The following ADAMTS3 variants were observed in gnomAD, a reference collection of about 807,000 sequenced individuals.
ADAMTS3 encodes A disintegrin and metalloproteinase with thrombospondin motifs 3.
In ADAMTS3, 73 loss-of-function variants were observed where a neutral mutation model predicts 129.0. The ratio of observed to expected loss-of-function variants is 0.57; its 90% CI spans 0.47 to 0.69. ADAMTS3 has a LOEUF of 0.69. ADAMTS3 is among the 30% of genes least tolerant of loss of function. The pLI is 0.00. For missense variants in ADAMTS3, 1,457 were observed against 1,514.5 expected (o/e 0.96, Z 0.63); for synonymous variants, 477 against 510.8 (o/e 0.93, Z 0.89).
chr4:72,390,001 A>G (rs1721549188), intron 4 of ADAMTS3, among the ~76,000 whole-genome samples: 1 of 152,180 alleles, frequency 6.6e-6, no homozygotes, highest in Non-Finnish European at 1.5e-5. Flanking sequence ...ACGAGTGGAG[A>G]AGAGGGCAGG....
intron 5 of ADAMTS3, among the ~76,000 whole-genome samples, chr4:72,329,424 T>C (rs1002829743): frequency 6.6e-6 from 1 of 152,148 alleles, no homozygotes; most frequent in Admixed American, 6.6e-5. Context: ...GCTCAACATA[T>C]ATTAGAGAAC....
chr4:72,333,372 A>G (rs1719900174), intron 5 of ADAMTS3, among the ~76,000 whole-genome samples: 2 of 152,178 alleles, frequency 1.3e-5, no homozygotes, highest in African/African-American at 4.8e-5. Flanking sequence ...AAAAAAACGT[A>G]TAAATTATGG....
At chr4:72,358,210 A>G (rs1031017362) in intron 4 of ADAMTS3, among the ~76,000 whole-genome samples, 1 of 151,918 alleles carries the variant, frequency 6.6e-6, no homozygotes, top group South Asian at 2.1e-4. Context: ...CATGATATAA[A>G]CTACTTTTAT....
rs768497474 is a variant in ADAMTS3, at chr4:72,288,918, GCACATA to G, written c.2932-56_2932-51del. On this transcript the variant is annotated intron_variant, in intron 20 of 21. Transcript: ENST00000286657. The stretch of plus-strand genomic sequence containing the variant: ...CAGACATTTATTGCACCAAGACCAT[GCACATA>G]CACACACACACACACACACACACAC... 2.0e-3 allele frequency: 1,109 copies of G among 564,380 alleles called. 8 individuals are homozygous for G. In the African/African-American group the frequency reaches 0.02, roughly 10 times the overall value. The allele number at this position is 564,380 out of a possible 1,614,324, so 35.0% of individuals were successfully genotyped here.
chr4:72,413,620 T>C (rs1408951867), intron 4 of ADAMTS3, among the ~76,000 whole-genome samples: 1 of 151,986 alleles, frequency 6.6e-6, no homozygotes, highest in African/African-American at 2.4e-5. Context: ...AATACTACCT[T>C]CAGCAATTTG....
intron 3 of ADAMTS3, among the ~76,000 whole-genome samples, chr4:72,533,659 A>C (rs908352568): frequency 6.6e-6 from 1 of 151,868 alleles, no homozygotes; most frequent in Non-Finnish European, 1.5e-5. Context: ...ATATACATAT[A>C]TATGTATATG....
At chr4:72,512,348 C>T (rs1720339010) in intron 3 of ADAMTS3, among the ~76,000 whole-genome samples, 1 of 151,796 alleles carries the variant, frequency 6.6e-6, no homozygotes, top group African/African-American at 2.4e-5. Flanking sequence ...AAAAACTAGC[C>T]AGGGATGGTG....
At chr4:72,447,625 A>C (rs367862254) in intron 3 of ADAMTS3, among the ~76,000 whole-genome samples, 3 of 151,764 alleles carry the variant, frequency 2.0e-5, no homozygotes, top group Non-Finnish European at 4.4e-5. Flanking sequence ...GAGATGTGAG[A>C]AAATGACCTA....
At chr4:72,406,228 A>G (rs1266970292) in intron 4 of ADAMTS3, among the ~76,000 whole-genome samples, 1 of 152,146 alleles carries the variant, frequency 6.6e-6, no homozygotes, top group Non-Finnish European at 1.5e-5. Flanking sequence ...CTGGCAGTAA[A>G]TACCAACAGG....
intron 3 of ADAMTS3, among the ~76,000 whole-genome samples, chr4:72,524,835 T>G (rs989174608): frequency 2.6e-5 from 4 of 152,118 alleles, no homozygotes; most frequent in African/African-American, 9.7e-5. Flanking sequence ...AACCAAATAT[T>G]TGAGTCAACT....
At chr4:72,371,709 C>G (rs908127766) in intron 4 of ADAMTS3, among the ~76,000 whole-genome samples, 1 of 151,900 alleles carries the variant, frequency 6.6e-6, no homozygotes, top group Non-Finnish European at 1.5e-5. Flanking sequence ...TTCAGCACAA[C>G]GAACACTAAA....
chr4:72,339,172 C>T (rs944712250), intron 5 of ADAMTS3, among the ~76,000 whole-genome samples: 8 of 152,100 alleles, frequency 5.3e-5, no homozygotes, highest in Admixed American at 3.3e-4. Context: ...CAAAGTCCTG[C>T]GAGTTTTGAT....
chr4:72,415,752 G>A lies in ADAMTS3; in HGVS notation c.505-781C>T, dbSNP rs181069380. ...CACCAGGGCTATAGCCAGTACTATA[G>A]CTGAAGAAAAATGATGTTTTTTTCT... On this transcript the variant is annotated intron_variant, in intron 3 of 21. Coordinates refer to ENST00000286657, the MANE Select transcript of ADAMTS3 (RefSeq NM_014243.3). Among the ~76,000 whole-genome samples the A allele has an allele frequency of 6.3e-3, 953 of 151,956 alleles. 17 individuals are homozygous for A. Among genetic ancestry groups the A allele is most frequent in the African/African-American group, 0.021 (868 of 41,472 alleles).
intron 4 of ADAMTS3, among the ~76,000 whole-genome samples, chr4:72,348,756 G>A (rs1720353296): frequency 6.6e-6 from 1 of 151,742 alleles, no homozygotes; most frequent in Admixed American, 6.6e-5. Context: ...TCTGGAGATG[G>A]ATGGATTCTG....
Position 72,548,603 on chromosome 4 carries a change from GGTT to G in ADAMTS3, c.376_378del (p.Asn126del), listed in dbSNP as rs1721528119. ...CTATACGTAGCACTTCCTGGTTGAT[GGTT>G]GTTAATGGGATCGGTTATATTCCCA... On this transcript the variant is annotated inframe_deletion, in exon 3 of 22. Coordinates refer to ENST00000286657, the MANE Select transcript of ADAMTS3 (RefSeq NM_014243.3). 6.2e-7 allele frequency: 1 copy of G among 1,613,884 alleles called. No individual in the cohort carries two copies. The highest frequency in any genetic ancestry group is 8.5e-7 in the Non-Finnish European group (1 of 1,179,930).
At chr4:72,352,174 G>A (rs1384681941) in intron 4 of ADAMTS3, among the ~76,000 whole-genome samples, 1 of 151,952 alleles carries the variant, frequency 6.6e-6, no homozygotes, top group East Asian at 1.9e-4. Context: ...ATATTTGAAA[G>A]GTTATCCGGA....
At chr4:72,339,186 C>A (rs993584411) in intron 5 of ADAMTS3, among the ~76,000 whole-genome samples, 3 of 152,080 alleles carry the variant, frequency 2.0e-5, no homozygotes, top group East Asian at 1.9e-4. Flanking sequence ...TTTTGATTAT[C>A]CCCAGAACAA....
intron 5 of ADAMTS3, among the ~76,000 whole-genome samples, chr4:72,325,753 T>C (rs1719683366): frequency 6.6e-6 from 1 of 152,158 alleles, no homozygotes; most frequent in Admixed American, 6.6e-5. Context: ...AGCTATACTG[T>C]AACATATGTA....
chr4:72,450,926 A>G (rs1718382492), intron 3 of ADAMTS3, among the ~76,000 whole-genome samples: 1 of 144,674 alleles, frequency 6.9e-6, no homozygotes, highest in African/African-American at 2.7e-5. Context: ...AGAGCAGGGA[A>G]GGAAGGAAGG....
Sources: allele counts gnomAD v4.1 joint callset (sites outside exome capture counted in the v4.1 genomes callset), GRCh38; gene constraint gnomAD v4.1.1; transcripts MANE v1.5; gene names NCBI Gene and HGNC (gene_info 2026-07-23, HGNC 2026-07-21).